The following BABAM2 variants were observed in gnomAD, a reference collection of about 807,000 sequenced individuals.
The protein encoded by BABAM2 is BRISC and BRCA1-A complex member 2.
Under a neutral mutation model 54.7 loss-of-function variants are expected in BABAM2, and 31 were observed. The ratio of observed to expected loss-of-function variants is 0.57; its 90% CI spans 0.43 to 0.77. The LOEUF (loss-of-function observed/expected upper bound fraction) is 0.77, where lower values mean the gene tolerates loss of function less well. BABAM2 is among the 30% of genes least tolerant of loss of function. The pLI is 0.00. For missense variants in BABAM2, 364 were observed against 455.8 expected (o/e 0.80, Z 1.83); for synonymous variants, 167 against 162.9 (o/e 1.03, Z -0.19).
At chr2:28,108,270 A>C (rs966137362) in intron 6 of BABAM2, among the ~76,000 whole-genome samples, 1 of 152,114 alleles carries the variant, frequency 6.6e-6, no homozygotes, top group Admixed American at 6.5e-5. Context: ...TTTAGTATAA[A>C]ATTTTTTGAG....
At chr2:28,127,953 C>T (rs1186788660) in intron 6 of BABAM2, among the ~76,000 whole-genome samples, 3 of 152,004 alleles carry the variant, frequency 2.0e-5, no homozygotes, top group Admixed American at 6.6e-5. Flanking sequence ...ACTACAGGTG[C>T]CCACCACCAC....
intron 2 of BABAM2, among the ~76,000 whole-genome samples, chr2:27,929,278 T>A (rs2148349722): frequency 6.6e-6 from 1 of 152,276 alleles, no homozygotes; most frequent in South Asian, 2.1e-4. Context: ...CCCCACCTTT[T>A]AAATTTGCAT....
intron 6 of BABAM2, among the ~76,000 whole-genome samples, chr2:28,124,274 C>T (rs1669311932): frequency 6.6e-6 from 1 of 152,126 alleles, no homozygotes; most frequent in South Asian, 2.1e-4. Context: ...CAGCTTTAAC[C>T]TTAGTTTTAG....
chr2:28,129,484 T>C (rs1397551176), intron 7 of BABAM2, 104 bp downstream of exon 7: 4 of 1,047,316 alleles, frequency 3.8e-6, no homozygotes, highest in East Asian at 2.4e-5. Context: ...TTTCTCTTCA[T>C]TGACTTTTGT....
intron 4 of BABAM2, among the ~76,000 whole-genome samples, chr2:27,993,890 A>C (rs1188610605): frequency 2.0e-5 from 3 of 152,166 alleles, no homozygotes; most frequent in Non-Finnish European, 2.9e-5. Flanking sequence ...GTGTCCTTGC[A>C]AAATAGTTCC....
intron 6 of BABAM2, among the ~76,000 whole-genome samples, chr2:28,091,369 G>T (rs530396443): frequency 6.6e-6 from 1 of 152,314 alleles, no homozygotes; most frequent in East Asian, 1.9e-4. Flanking sequence ...TCAGGAAAGG[G>T]TGTGGGATGA....
intron 4 of BABAM2, among the ~76,000 whole-genome samples, chr2:27,997,831 G>A (rs577443488): frequency 6.6e-6 from 1 of 152,114 alleles, no homozygotes; most frequent in Non-Finnish European, 1.5e-5. Flanking sequence ...GAGGTACGGA[G>A]TTGAGTATAA....
intron 6 of BABAM2, among the ~76,000 whole-genome samples, chr2:28,126,592 C>T (rs1372187798): frequency 3.6e-5 from 5 of 140,764 alleles, no homozygotes; most frequent in Admixed American, 2.2e-4. Context: ...TGAATAGTGC[C>T]GCAATAAACA....
At chr2:28,203,950 C>A (rs979547881) in intron 7 of BABAM2, among the ~76,000 whole-genome samples, 24 of 152,214 alleles carry the variant, frequency 1.6e-4, no homozygotes, top group Non-Finnish European at 2.9e-5. Context: ...CCTCCTACAT[C>A]CTTGCCAATA....
At chr2:28,199,912 C>G (rs1051803793) in intron 7 of BABAM2, among the ~76,000 whole-genome samples, 1 of 152,090 alleles carries the variant, frequency 6.6e-6, no homozygotes, top group Non-Finnish European at 1.5e-5. Flanking sequence ...TGGACGGTTC[C>G]TAACACCTGT....
rs79939864 is a variant in BABAM2 at position 28,056,042 on chromosome 2, T to A, written c.570+10243T>A. ...CTTGTATGTAGAATCTTAAAAAAAATTTCAAATATATGTGGAGAACAATAC... is the reference window on the plus strand; with the variant it reads ...CTTGTATGTAGAATCTTAAAAAAAAATTCAAATATATGTGGAGAACAATAC... On this transcript the variant is annotated intron_variant, in intron 6 of 11. Coordinates refer to ENST00000379624, the MANE Select transcript of BABAM2 (RefSeq NM_199191.3). Among the ~76,000 whole-genome samples, 490 of 152,120 alleles carry A rather than the reference T, an allele frequency of 3.2e-3. 1 individual carries two copies. The highest frequency in any genetic ancestry group is 0.011 in the African/African-American group (473 of 41,496).
chr2:28,144,055 C>T (rs80221201), intron 7 of BABAM2, among the ~76,000 whole-genome samples: 4,396 of 152,240 alleles, frequency 0.029, 83 homozygotes, highest in Middle Eastern at 0.044. Flanking sequence ...GCTTTGTAGT[C>T]GTGTGAACTA....
chr2:27,982,335 A>T (rs916303639), intron 3 of BABAM2, among the ~76,000 whole-genome samples: 1 of 152,190 alleles, frequency 6.6e-6, no homozygotes, highest in Non-Finnish European at 1.5e-5. Flanking sequence ...GAAGGCCAAA[A>T]TTTTTAATTT....
intron 11 of BABAM2, among the ~76,000 whole-genome samples, chr2:28,332,649 C>T (rs958601168): frequency 2.6e-5 from 4 of 152,268 alleles, no homozygotes; most frequent in Admixed American, 6.5e-5. Flanking sequence ...TCTTGGCAGC[C>T]GGAGCCATGT....
chr2:28,168,457 G>A (rs539220611), intron 7 of BABAM2, among the ~76,000 whole-genome samples: 1 of 152,236 alleles, frequency 6.6e-6, no homozygotes, highest in South Asian at 2.1e-4. Context: ...ATAGGAGCTT[G>A]CCCGATCTGC....
intron 10 of BABAM2, among the ~76,000 whole-genome samples, chr2:28,263,948 G>A (rs1051910669): frequency 3.3e-5 from 5 of 152,178 alleles, no homozygotes; most frequent in East Asian, 1.9e-4. Context: ...TTGCATACAG[G>A]CAAGCCTAGT....
At chr2:28,057,315 T>C (rs1192818773) in intron 6 of BABAM2, among the ~76,000 whole-genome samples, 1 of 152,230 alleles carries the variant, frequency 6.6e-6, no homozygotes, top group Non-Finnish European at 1.5e-5. Context: ...CAGTTGGTTT[T>C]CCTAAGCCAA....
At chr2:28,303,721 C>T (rs531668086) in intron 11 of BABAM2, among the ~76,000 whole-genome samples, 1 of 152,088 alleles carries the variant, frequency 6.6e-6, no homozygotes, top group Non-Finnish European at 1.5e-5. Flanking sequence ...ACGCCCCCCC[C>T]ACCAAAAGCC....
At chr2:27,972,573 A>G (rs1319174875) in intron 3 of BABAM2, among the ~76,000 whole-genome samples, 1 of 152,126 alleles carries the variant, frequency 6.6e-6, no homozygotes, top group Non-Finnish European at 1.5e-5. Flanking sequence ...GGAGTCTTTG[A>G]AATGTGGCTA....
Sources: allele counts gnomAD v4.1 joint callset (sites outside exome capture counted in the v4.1 genomes callset), GRCh38; gene constraint gnomAD v4.1.1; transcripts MANE v1.5; gene names NCBI Gene and HGNC (gene_info 2026-07-23, HGNC 2026-07-21).